TTLL9: variants seen among roughly 807,000 people sequenced by gnomAD.
The protein encoded by TTLL9 is probable tubulin polyglutamylase TTLL9.
TTLL9 carries 47 observed loss-of-function variants against 65.6 expected under a neutral mutation model. The observed-to-expected ratio is 0.72, with a 90% CI of 0.57 to 0.91. The LOEUF is 0.91. TTLL9 is among the 40% of genes least tolerant of loss of function. The probability of loss-of-function intolerance (pLI) is 0.00; values close to 1 mark genes in which losing one functional copy is unlikely to be tolerated. For synonymous variants in TTLL9, 179 were observed against 204.8 expected, an observed-to-expected ratio of 0.87 and a Z score of 1.07; for missense variants, 537 against 568.8, an observed-to-expected ratio of 0.94 and a Z score of 0.57.
At chr20:31,932,005 A>G (rs1042471682) in intron 10 of TTLL9, among the ~76,000 whole-genome samples, 1 of 152,146 alleles carries the variant, frequency 6.6e-6, no homozygotes. Context: ...TATGAATTTC[A>G]TAGTTTTGCC....
chr20:31,935,037 A>G (rs1043342699), intron 12 of TTLL9, 149 bp downstream of exon 12: 1 of 739,266 alleles, frequency 1.4e-6, no homozygotes, highest in Non-Finnish European at 2.2e-6. Context: ...CCATTTGTAA[A>G]TGGGGTTGGT....
intron 10 of TTLL9, among the ~76,000 whole-genome samples, chr20:31,926,553 A>G (rs983870339): frequency 2.6e-5 from 4 of 152,212 alleles, no homozygotes; most frequent in Admixed American, 2.6e-4. Flanking sequence ...GGATTTTATC[A>G]TCTTACAAGT....
At chr20:31,887,940 A>G (rs1308077438) in intron 3 of TTLL9, among the ~76,000 whole-genome samples, 2 of 99,598 alleles carry the variant, frequency 2.0e-5, no homozygotes, top group African/African-American at 8.5e-5. Flanking sequence ...ACTGGAGTGC[A>G]ATGGCACAAT....
intron 9 of TTLL9, among the ~76,000 whole-genome samples, chr20:31,925,545 C>T (rs2123581153): frequency 1.3e-5 from 2 of 152,246 alleles, no homozygotes. Context: ...GGCTATATTC[C>T]CTCCACCCAT....
chr20:31,895,345 T>A (rs965636786), intron 3 of TTLL9, among the ~76,000 whole-genome samples: 1 of 152,144 alleles, frequency 6.6e-6, no homozygotes, highest in Non-Finnish European at 1.5e-5. Context: ...CAGTTTTGGA[T>A]TGGGCCTGAG....
Position 31,887,221 on chromosome 20 carries a change from T to G in TTLL9, c.95T>G (p.Leu32Trp). Residue 32 changes from leucine to tryptophan, a missense_variant, in exon 3 of 15, where the codon TTG becomes TGG. Transcript: ENST00000535842. ...LQNQNYKGHGLSKGKEREQRA... is the reference protein window; with the variant it reads ...LQNQNYKGHGWSKGKEREQRA... Reference sequence around the variant, plus strand: ...AACCAAAATTACAAGGGCCATGGATTGTCAAAGGGAAAAGAGCGGTGAGTG... The same window carrying G: ...AACCAAAATTACAAGGGCCATGGATGGTCAAAGGGAAAAGAGCGGTGAGTG... 6.2e-7 allele frequency: 1 copy of G among 1,614,190 alleles called. No individual in the cohort carries two copies. The highest frequency in any genetic ancestry group is 8.5e-7 in the Non-Finnish European group (1 of 1,180,040).
rs147114679 is a variant in TTLL9 at position 31,906,224 on chromosome 20, C to T, written c.207-2367C>T. On this transcript the variant is annotated intron_variant, in intron 4 of 14. Transcript: ENST00000535842. ...GGGACTCTTACAGGACACAGTGGGA[C>T]TGGCTTGTCTCTGTGACATTGGGGG... Among the ~76,000 whole-genome samples, 1,192 of 152,264 alleles carry T rather than the reference C, an allele frequency of 7.8e-3. 10 individuals are homozygous for T. Among genetic ancestry groups the T allele is most frequent in the Non-Finnish European group, 0.013 (876 of 68,020 alleles).
chr20:31,878,139 T>C (rs1189919731), intron 2 of TTLL9, among the ~76,000 whole-genome samples: 1 of 152,254 alleles, frequency 6.6e-6, no homozygotes, highest in Admixed American at 6.5e-5. Flanking sequence ...TTTATTGTAG[T>C]TTCCAATCAG....
At chr20:31,904,408 A>G (rs1293196964) in intron 4 of TTLL9, among the ~76,000 whole-genome samples, 1 of 120,472 alleles carries the variant, frequency 8.3e-6, no homozygotes, top group East Asian at 2.5e-4. Context: ...CCTAGGCTGG[A>G]GTGCAGTGGT....
chr20:31,919,174 T>G (rs1298965162), intron 6 of TTLL9, among the ~76,000 whole-genome samples: 1 of 152,250 alleles, frequency 6.6e-6, no homozygotes, highest in East Asian at 1.9e-4. Flanking sequence ...CTGGCCAGTC[T>G]TAGCTCAACA....
chr20:31,912,975 T>C (rs926573550), intron 6 of TTLL9, among the ~76,000 whole-genome samples: 2 of 151,888 alleles, frequency 1.3e-5, no homozygotes, highest in Non-Finnish European at 2.9e-5. Context: ...CTGGGCAACA[T>C]AGCAAGACTT....
intron 2 of TTLL9, among the ~76,000 whole-genome samples, chr20:31,884,371 G>A (rs1183741533): frequency 1.3e-5 from 2 of 152,156 alleles, no homozygotes; most frequent in Non-Finnish European, 2.9e-5. Context: ...GATTATAGGT[G>A]TGTGCCACCA....
chr20:31,887,255 C>A lies in TTLL9; in HGVS notation c.113+16C>A, dbSNP rs764807278. 3.7e-6 allele frequency: 6 copies of A among 1,614,132 alleles called. No individual in the cohort carries two copies. In the South Asian group the frequency reaches 5.5e-5, roughly 15 times the overall value. ...GAAAAGAGCGGTGAGTGGTCCCATC[C>A]AATCCAACAATCACAGCGCAACCAA... On this transcript the variant is annotated intron_variant, in intron 3 of 14. Transcript: ENST00000535842.
At chr20:31,902,448 T>A in intron 4 of TTLL9, among the ~76,000 whole-genome samples, 1 of 152,200 alleles carries the variant, frequency 6.6e-6, no homozygotes, top group Non-Finnish European at 1.5e-5. Flanking sequence ...TGGCTCGATC[T>A]CGGCTCACTG....
At chr20:31,873,596 C>A (rs1008353774) in intron 2 of TTLL9, among the ~76,000 whole-genome samples, 21 of 150,362 alleles carry the variant, frequency 1.4e-4, no homozygotes, top group African/African-American at 4.9e-4. Context: ...GCTGCAGTGA[C>A]CTGTGATCAC....
intron 14 of TTLL9, chr20:31,939,884 G>T (rs909274677): frequency 6.6e-6 from 1 of 152,208 alleles, no homozygotes; most frequent in Non-Finnish European, 1.5e-5. Context: ...TCCAAAACTT[G>T]AGTGCTTGTC....
At chr20:31,913,816 T>C (rs1417740643) in intron 6 of TTLL9, among the ~76,000 whole-genome samples, 2 of 152,206 alleles carry the variant, frequency 1.3e-5, no homozygotes, top group African/African-American at 4.8e-5. Context: ...TTTCTTCCCA[T>C]GGAAGCATTC....
intron 2 of TTLL9, among the ~76,000 whole-genome samples, chr20:31,882,770 GA>G (rs1568738646): frequency 6.6e-6 from 1 of 152,088 alleles, no homozygotes; most frequent in Non-Finnish European, 1.5e-5. Context: ...GAGATTTCTT[GA>G]AAAGCTTATT....
intron 14 of TTLL9, chr20:31,939,635 T>C (rs2064172952): frequency 6.2e-6 from 1 of 161,366 alleles, no homozygotes; most frequent in Admixed American, 6.1e-5. Flanking sequence ...GCTAGAGTTT[T>C]GAATCCCTCT....
Sources: allele counts gnomAD v4.1 joint callset (sites outside exome capture counted in the v4.1 genomes callset), GRCh38; gene constraint gnomAD v4.1.1; transcripts MANE v1.5; gene names NCBI Gene and HGNC (gene_info 2026-07-23, HGNC 2026-07-21).